Variants in CD109 observed in about 807,000 individuals in gnomAD.
The protein encoded by CD109 is CD109 antigen.
In CD109, 149 loss-of-function variants were observed where a neutral mutation model predicts 165.8. That is an observed-to-expected ratio of 0.90 (90% CI 0.79 to 1.03). CD109 has a LOEUF of 1.03. CD109 is among the 50% of genes least tolerant of loss of function. The pLI is 0.00. For missense variants in CD109, 1,712 were observed against 1,677.8 expected, an observed-to-expected ratio of 1.02 and a Z score of -0.36; for synonymous variants, 585 against 592.1, an observed-to-expected ratio of 0.99 and a Z score of 0.18.
chr6:73,699,646 G>C (rs977346397), intron 2 of CD109, among the ~76,000 whole-genome samples: 6 of 152,078 alleles, frequency 3.9e-5, no homozygotes, highest in Non-Finnish European at 4.4e-5. Flanking sequence ...AGGGTTCCTT[G>C]TATGCCCATA....
At position 73,810,036 on chromosome 6, in the gene CD109, GCCACGCTC is replaced by G; in HGVS notation, c.3411_3418del (p.Arg1138GlyfsTer3). On this transcript the variant is annotated frameshift_variant, in exon 27 of 33. Coordinates refer to ENST00000287097, the MANE Select transcript of CD109 (RefSeq NM_133493.5). LOFTEE classifies it high-confidence loss of function. Reference sequence around the variant, plus strand: ...AGTCCAAACTTTCTGACTCCTGGCAGCCACGCTCCCTGGATATTGAAGTTGCAGCCTAT... The same window carrying G: ...AGTCCAAACTTTCTGACTCCTGGCAGCCTGGATATTGAAGTTGCAGCCTAT... The G allele has an allele frequency of 6.2e-7, 1 of 1,605,534 alleles. No homozygotes were observed. The highest frequency in any genetic ancestry group is 8.5e-7 in the Non-Finnish European group (1 of 1,177,188).
chr6:73,742,093 G>T (rs897543667), intron 5 of CD109, among the ~76,000 whole-genome samples: 3 of 152,074 alleles, frequency 2.0e-5, no homozygotes, highest in African/African-American at 7.2e-5. Context: ...ATATTGTTGT[G>T]CATTCATCAC....
intron 24 of CD109, 24 bp downstream of exon 24, chr6:73,803,325 A>C (rs1292936828): frequency 6.3e-7 from 1 of 1,577,746 alleles, no homozygotes; most frequent in Admixed American, 1.7e-5. Flanking sequence ...CCAACTGAAC[A>C]AATCCGTGTC....
intron 17 of CD109, 56 bp downstream of exon 17, chr6:73,781,375 A>G: frequency 7.3e-7 from 1 of 1,364,488 alleles, no homozygotes; most frequent in Non-Finnish European, 1.0e-6. Context: ...ATTCAACATT[A>G]CTTATATAGG....
chr6:73,721,737 ATTTAT>A (rs777259196), intron 2 of CD109, among the ~76,000 whole-genome samples: 2 of 149,560 alleles, frequency 1.3e-5, no homozygotes, highest in Non-Finnish European at 3.0e-5. Context: ...CTTTTTATTG[ATTTAT>A]TTATTTATTT....
intron 5 of CD109, among the ~76,000 whole-genome samples, chr6:73,740,946 C>A (rs923402079): frequency 6.6e-6 from 1 of 152,112 alleles, no homozygotes; most frequent in Non-Finnish European, 1.5e-5. Context: ...CAATGTCCCA[C>A]AACTTACCAA....
chr6:73,815,151 T>C, intron 30 of CD109, 28 bp downstream of exon 30: 2 of 1,528,992 alleles, frequency 1.3e-6, no homozygotes, highest in Non-Finnish European at 1.7e-6. Context: ...TCTCTCTTCT[T>C]TTTTTCCTTT....
intron 5 of CD109, 86 bp downstream of exon 5, chr6:73,736,594 A>T: frequency 8.6e-7 from 1 of 1,162,558 alleles, no homozygotes; most frequent in Non-Finnish European, 1.2e-6. Flanking sequence ...CATTTATACA[A>T]TGAAGAGAAA....
intron 24 of CD109, among the ~76,000 whole-genome samples, 152 bp from the exon 25 acceptor site, chr6:73,806,687 CTTTTT>C (rs1562081160): frequency 6.6e-6 from 1 of 152,030 alleles, no homozygotes; most frequent in South Asian, 2.1e-4. Flanking sequence ...TTTGCTCTTT[CTTTTT>C]TGATTTTTTT....
At chr6:73,739,290 C>A (rs1382626367) in intron 5 of CD109, among the ~76,000 whole-genome samples, 1 of 152,108 alleles carries the variant, frequency 6.6e-6, no homozygotes, top group Non-Finnish European at 1.5e-5. Flanking sequence ...CCTTTTAGAA[C>A]CACCAGGGGT....
chr6:73,798,646 T>A (rs1775255165), intron 23 of CD109, among the ~76,000 whole-genome samples: 1 of 152,128 alleles, frequency 6.6e-6, no homozygotes, highest in Non-Finnish European at 1.5e-5. Flanking sequence ...GCTCAAGAAA[T>A]TCACTGCAAA....
chr6:73,773,342 A>G (rs1435800637), intron 15 of CD109, among the ~76,000 whole-genome samples: 5 of 151,524 alleles, frequency 3.3e-5, no homozygotes. Flanking sequence ...ACCTTTTGTA[A>G]ATTTTTAAGT....
At chr6:73,725,422 G>A (rs1772098030) in intron 3 of CD109, among the ~76,000 whole-genome samples, 2 of 151,692 alleles carry the variant, frequency 1.3e-5, no homozygotes, top group South Asian at 2.1e-4. Context: ...CGGGGCAAGG[G>A]CATGAGAGTT....
At chr6:73,742,593 G>A (rs1772834192) in intron 5 of CD109, among the ~76,000 whole-genome samples, 2 of 152,248 alleles carry the variant, frequency 1.3e-5, no homozygotes, top group South Asian at 4.1e-4. Context: ...TGGTGCTCAT[G>A]TTCCTCCAAG....
the CD109 span, among the ~76,000 whole-genome samples, chr6:73,687,528 C>T: frequency 2.8e-5 from 4 of 142,608 alleles, no homozygotes; most frequent in Non-Finnish European, 4.5e-5. Flanking sequence ...GGCTAATTGT[C>T]CTTCATGGAA....
At chr6:73,708,955 G>C (rs1771415176) in intron 2 of CD109, among the ~76,000 whole-genome samples, 1 of 152,156 alleles carries the variant, frequency 6.6e-6, no homozygotes. Flanking sequence ...TAGGCTGCCT[G>C]TTCACTCTGA....
At chr6:73,763,727 A>G (rs754523984) in intron 10 of CD109, 42 bp downstream of exon 10, 21 of 988,236 alleles carry the variant, frequency 2.1e-5, no homozygotes, top group Non-Finnish European at 3.2e-5. Flanking sequence ...CAGTAAGTTC[A>G]GCTTAATGAA....
At chr6:73,767,543 A>G (rs1185941870) in intron 13 of CD109, among the ~76,000 whole-genome samples, 1 of 152,166 alleles carries the variant, frequency 6.6e-6, no homozygotes, top group Non-Finnish European at 1.5e-5. Flanking sequence ...ACTCAGCCTC[A>G]TACCTTTTTA....
chr6:73,713,382 A>G (rs1387711401), intron 2 of CD109, among the ~76,000 whole-genome samples: 4 of 152,224 alleles, frequency 2.6e-5, no homozygotes, highest in Admixed American at 6.5e-5. Context: ...TTGTCCCTAC[A>G]CCATAGCGTT....
Sources: gnomAD v4.1 joint callset for allele counts (sites outside exome capture counted in the v4.1 genomes callset) on GRCh38, gnomAD v4.1.1 for gene constraint, MANE v1.5 for transcripts, NCBI Gene and HGNC (gene_info 2026-07-23, HGNC 2026-07-21) for gene names.